The following RGSL1 variants were observed in gnomAD, a reference collection of about 807,000 sequenced individuals.
RGSL1 encodes the protein regulator of G protein signaling protein-like.
Under a neutral mutation model 124.7 loss-of-function variants are expected in RGSL1, and 97 were observed. The observed-to-expected ratio is 0.78, with a 90% CI of 0.66 to 0.92. RGSL1 has a LOEUF of 0.92. Ranked by LOEUF, RGSL1 falls within the 40% of genes least tolerant of loss-of-function variation. The pLI, the probability that RGSL1 is intolerant of heterozygous loss-of-function variation, is 0.00. For synonymous variants in RGSL1, 424 were observed against 438.1 expected (o/e 0.97, Z 0.40); for missense variants, 1,233 against 1,288.4 (o/e 0.96, Z 0.66).
intron 9 of RGSL1, among the ~76,000 whole-genome samples, chr1:182,514,495 A>T (rs183031080): frequency 6.6e-6 from 1 of 152,306 alleles, no homozygotes; most frequent in Non-Finnish European, 1.5e-5. Flanking sequence ...TTCAAAAGTA[A>T]CATCACGTCT....
At chr1:182,529,490 A>G (rs997192746) in intron 11 of RGSL1, among the ~76,000 whole-genome samples, 9 of 152,150 alleles carry the variant, frequency 5.9e-5, no homozygotes, top group Non-Finnish European at 1.2e-4. Flanking sequence ...TTTGTTTCCT[A>G]AGGTGGGAGG....
intron 15 of RGSL1, among the ~76,000 whole-genome samples, chr1:182,544,843 T>C (rs1191071635): frequency 6.6e-6 from 1 of 152,098 alleles, no homozygotes; most frequent in Non-Finnish European, 1.5e-5. Flanking sequence ...TCACATAGAA[T>C]ATCTTTTTCC....
chr1:182,456,862 C>A (rs747430462), intron 2 of RGSL1, among the ~76,000 whole-genome samples: 2 of 152,036 alleles, frequency 1.3e-5, no homozygotes, highest in African/African-American at 2.4e-5. Context: ...TTTTTACCAA[C>A]GGATCTCAGA....
At chr1:182,471,136 C>A (rs138485529) in intron 4 of RGSL1, 172 of 376,168 alleles carry the variant, frequency 4.6e-4, no homozygotes, top group African/African-American at 3.2e-3. Flanking sequence ...TCAAAAGCAC[C>A]ACATAATCTG....
At chr1:182,505,470 T>C (rs1162227932) in intron 9 of RGSL1, among the ~76,000 whole-genome samples, 2 of 152,176 alleles carry the variant, frequency 1.3e-5, no homozygotes, top group Admixed American at 6.5e-5. Context: ...CTAGTTGTCA[T>C]AAATTCTTGA....
intron 6 of RGSL1, among the ~76,000 whole-genome samples, chr1:182,478,051 C>T (rs546471103): frequency 1.3e-5 from 2 of 152,238 alleles, no homozygotes; most frequent in African/African-American, 4.8e-5. Context: ...TTTTCTTGTA[C>T]TTTTTATAAA....
chr1:182,493,152 A>G, intron 9 of RGSL1, 23 bp downstream of exon 9: 2 of 1,449,210 alleles, frequency 1.4e-6, no homozygotes, highest in Non-Finnish European at 1.9e-6. Context: ...AATCAGGGAT[A>G]GACGAGGCAA....
chr1:182,501,962 G>T (rs778982899), intron 9 of RGSL1, among the ~76,000 whole-genome samples: 1 of 152,120 alleles, frequency 6.6e-6, no homozygotes, highest in Non-Finnish European at 1.5e-5. Context: ...AGTTTTAGAA[G>T]TTTGTGCATT....
In RGSL1 at chr1:182,474,418, A is replaced by G; in HGVS notation, c.1307A>G (p.Tyr436Cys). 6.4e-7 allele frequency: 1 copy of G among 1,552,034 alleles called. No homozygotes were observed. Residue 436 changes from tyrosine to cysteine, a missense_variant, in exon 6 of 22, where the codon TAC becomes TGC. Transcript: ENST00000294854. ...CTGGGTGACAGAATCTGCGAGCTCT[A>G]CCTGAATGAGCAGATTGGTCCGTGC... Reference protein sequence around the residue: ...HLLGDRICELYLNEQIGPCLP... With the variant: ...HLLGDRICELCLNEQIGPCLP...
At chr1:182,450,359 C>A in intron 1 of RGSL1, 181 bp downstream of exon 1, 1 of 709,592 alleles carries the variant, frequency 1.4e-6, no homozygotes, top group Admixed American at 2.1e-5. Flanking sequence ...CTTCTGCCAC[C>A]AGATCTTTGA....
At position 182,548,932 on chromosome 1, in the gene RGSL1, A is replaced by C. The variant is rs533964030; in HGVS notation, c.2933+108A>C. On this transcript the variant is annotated intron_variant, in intron 17 of 21. Transcript: ENST00000294854. ...CTCTGTTTCGTAGTTTCCAGTTTCT[A>C]GGGGGAACTAAGATGGTGTTTTCAA... 154 of 1,356,362 alleles carry C rather than the reference A, an allele frequency of 1.1e-4. No individual in the cohort carries two copies. The African/African-American group carries it at 2.2e-3, about 19-fold the overall frequency. 84.0% of individuals were successfully genotyped at this position (1,356,362 alleles called of 1,614,324 possible).
chr1:182,487,612 A>T (rs1273867471), intron 6 of RGSL1, among the ~76,000 whole-genome samples: 1 of 152,238 alleles, frequency 6.6e-6, no homozygotes, highest in East Asian at 1.9e-4. Context: ...TGACTGAATC[A>T]GAAGCTTTGT....
At chr1:182,497,079 A>G (rs1238412139) in intron 9 of RGSL1, among the ~76,000 whole-genome samples, 1 of 152,124 alleles carries the variant, frequency 6.6e-6, no homozygotes, top group East Asian at 1.9e-4. Flanking sequence ...TGCAGAGTAG[A>G]TGATTTGGGG....
At chr1:182,472,117 C>A (rs1022277996) in intron 4 of RGSL1, among the ~76,000 whole-genome samples, 1 of 152,018 alleles carries the variant, frequency 6.6e-6, no homozygotes, top group African/African-American at 2.4e-5. Flanking sequence ...CTTCATAATC[C>A]TCCCCCAGAG....
chr1:182,530,725 T>C, intron 12 of RGSL1, 65 bp from the exon 13 acceptor site: 1 of 1,458,148 alleles, frequency 6.9e-7, no homozygotes, highest in South Asian at 1.5e-5. Context: ...TAGGTTTGCC[T>C]GGACTGTCAT....
rs569024276 is a variant in RGSL1, at chr1:182,457,927, T to G, written c.97-392T>G. Among the ~76,000 whole-genome samples, 138 of 152,336 alleles carry G rather than the reference T, an allele frequency of 9.1e-4. 1 individual carries two copies. In the Middle Eastern group the frequency reaches 0.037, roughly 41 times the overall value. ...TCCAGTTTAGGTAAACCCAAAGCTA[T>G]TTTTCACTGGGAAAACATTTTAGAC... On this transcript the variant is annotated intron_variant, in intron 2 of 21. Coordinates refer to ENST00000294854, the MANE Select transcript of RGSL1 (RefSeq NM_001137669.2).
chr1:182,488,193 C>A, intron 6 of RGSL1, 92 bp from the exon 7 acceptor site: 2 of 1,243,348 alleles, frequency 1.6e-6, no homozygotes, highest in Non-Finnish European at 2.3e-6. Context: ...CCAGAATCTT[C>A]AGCCTACTCT....
At chr1:182,482,624 C>A (rs1654796925) in intron 6 of RGSL1, among the ~76,000 whole-genome samples, 1 of 152,166 alleles carries the variant, frequency 6.6e-6, no homozygotes, top group South Asian at 2.1e-4. Flanking sequence ...ACTAAACCTG[C>A]ATACTATTTT....
At chr1:182,559,391 C>T (rs1168958674) in intron 21 of RGSL1, among the ~76,000 whole-genome samples, 2 of 152,156 alleles carry the variant, frequency 1.3e-5, no homozygotes, top group Non-Finnish European at 2.9e-5. Flanking sequence ...CCATATTTTA[C>T]ATGCAGGAAA....
Sources: allele counts gnomAD v4.1 joint callset (sites outside exome capture counted in the v4.1 genomes callset), GRCh38; gene constraint gnomAD v4.1.1; transcripts MANE v1.5; gene names NCBI Gene and HGNC (gene_info 2026-07-23, HGNC 2026-07-21).